RALY: variants seen among roughly 807,000 people sequenced by gnomAD.
RALY encodes the protein RNA-binding protein Raly.
In RALY, 15 loss-of-function variants were observed where a neutral mutation model predicts 30.7. That is an observed-to-expected ratio of 0.49 (90% confidence interval 0.33 to 0.75). The LOEUF is 0.75. RALY is among the 30% of genes least tolerant of loss of function. RALY has a pLI of 0.02. For synonymous variants in RALY, 177 were observed against 170.8 expected, an observed-to-expected ratio of 1.04 and a Z score of -0.28; for missense variants, 339 against 414.3, an observed-to-expected ratio of 0.82 and a Z score of 1.58.
intron 2 of RALY, chr20:34,033,310 A>G (rs2032354466): frequency 6.6e-6 from 1 of 152,252 alleles, no homozygotes; most frequent in Admixed American, 6.5e-5. Flanking sequence ...GCATGAACGA[A>G]ACAAGAAAGT....
At chr20:34,030,205 G>A (rs975822388) in intron 1 of RALY, among the ~76,000 whole-genome samples, 1 of 152,214 alleles carries the variant, frequency 6.6e-6, no homozygotes, top group Non-Finnish European at 1.5e-5. Flanking sequence ...GGCAAGCCCT[G>A]GAGTTGGACT....
rs776401623 is a variant in RALY at position 34,082,048 on chromosome 20, C to T, written c.*2143C>T. 6.6e-6 allele frequency: 1 copy of T among 152,280 alleles called. No homozygotes were observed. Among genetic ancestry groups the T allele is most frequent in the Non-Finnish European group, 1.5e-5 (1 of 68,144 alleles). The allele number at this position is 152,280 out of a possible 1,614,324, so 9.4% of individuals were successfully genotyped here. A position where few individuals can be genotyped will look rare whatever the true frequency, so the allele number is the denominator to read the frequency against. On this transcript the variant is annotated 3_prime_UTR_variant, in exon 10 of 10. Coordinates refer to ENST00000246194, the MANE Select transcript of RALY (RefSeq NM_016732.3). ...GGGCTGGGCCTTGGCCCAGCTTAGT[C>T]AAATCAAAAGGCTTCTATTTGGAGA...
At chr20:34,013,377 A>G (rs1454814444) in intron 1 of RALY, among the ~76,000 whole-genome samples, 2 of 145,348 alleles carry the variant, frequency 1.4e-5, no homozygotes, top group East Asian at 2.1e-4. Flanking sequence ...TTGTGTTACT[A>G]TACTCCAGCT....
rs754354636 is a variant in RALY, at chr20:34,083,701, G to C, written c.*3796G>C. On this transcript the variant is annotated 3_prime_UTR_variant, in exon 10 of 10. Coordinates refer to ENST00000246194, the MANE Select transcript of RALY (RefSeq NM_016732.3). ...GAGCATGGAATTCAAGTGTGGGCAC[G>C]TGAGCGTCAGGTATTTGCCATCCCT... 1 of 152,358 alleles carries C rather than the reference G, an allele frequency of 6.6e-6. No homozygotes were observed. Among genetic ancestry groups the C allele is most frequent in the South Asian group, 2.1e-4 (1 of 4,818 alleles). 9.4% of individuals were successfully genotyped at this position (152,358 alleles called of 1,614,324 possible).
At chr20:34,022,078 CT>C (rs2031847619) in intron 1 of RALY, among the ~76,000 whole-genome samples, 1 of 147,344 alleles carries the variant, frequency 6.8e-6, no homozygotes. Context: ...TTCCTTTTTT[CT>C]TTCTTTCTTT....
chr20:34,048,736 G>A (rs1424066434), intron 2 of RALY, among the ~76,000 whole-genome samples: 1 of 151,324 alleles, frequency 6.6e-6, no homozygotes, highest in Non-Finnish European at 1.5e-5. Flanking sequence ...GGCGCCTGTA[G>A]TCCCAGCTAC....
At chr20:34,021,872 TAAA>T (rs910267227) in intron 1 of RALY, among the ~76,000 whole-genome samples, 9 of 151,402 alleles carry the variant, frequency 5.9e-5, no homozygotes, top group South Asian at 2.1e-4. Context: ...TTTTTATTAT[TAAA>T]AAAATTTTTT....
chr20:33,997,508 T>G (rs2030697188), intron 1 of RALY, among the ~76,000 whole-genome samples: 1 of 152,174 alleles, frequency 6.6e-6, no homozygotes, highest in Admixed American at 6.5e-5. Context: ...GATATTGGGC[T>G]GCAGTTATCA....
intron 2 of RALY, among the ~76,000 whole-genome samples, chr20:34,039,245 A>G (rs950434171): frequency 6.6e-6 from 1 of 152,272 alleles, no homozygotes; most frequent in Admixed American, 6.5e-5. Context: ...CTGCAGGGGC[A>G]GTGACCTGCC....
rs2034075654 is a variant in RALY at position 34,084,658 on chromosome 20, T to C, written c.*4753T>C. On this transcript the variant is annotated 3_prime_UTR_variant, in exon 10 of 10. Coordinates refer to ENST00000246194, the MANE Select transcript of RALY (RefSeq NM_016732.3). ...TTCCACTTATTATCTCTTGGGACTC[T>C]AGCTCTTGGGACCCAACCACCATGC... 6.6e-6 allele frequency: 1 copy of C among 152,314 alleles called. No individual in the cohort carries two copies. Among genetic ancestry groups the C allele is most frequent in the Admixed American group, 6.5e-5 (1 of 15,284 alleles). The allele number at this position is 152,314 out of a possible 1,614,324, so 9.4% of individuals were successfully genotyped here. A position where few individuals can be genotyped will look rare whatever the true frequency, so the allele number is the denominator to read the frequency against.
In RALY at chr20:34,076,727, C is replaced by T. The variant is rs1417818796; in HGVS notation, c.570C>T (p.Ile190=). ...TAAAGAGCAGTGAGCTGCAGGCCAT[C>T]AAGACGGAGCTGACACAGATCAAGT... ...IKLKSSELQA[I]KTELTQIKSN... The change falls in exon 7 of 10, where the codon ATC becomes ATT. Residue 190 remains isoleucine, a synonymous_variant. Coordinates refer to ENST00000246194, the MANE Select transcript of RALY (RefSeq NM_016732.3). 6.2e-7 allele frequency: 1 copy of T among 1,614,100 alleles called. No homozygotes were observed. The highest frequency in any genetic ancestry group is 1.7e-5 in the Admixed American group (1 of 60,024).
At chr20:34,053,941 G>A (rs965327488) in intron 2 of RALY, among the ~76,000 whole-genome samples, 4 of 152,124 alleles carry the variant, frequency 2.6e-5, no homozygotes, top group Non-Finnish European at 5.9e-5. Context: ...ACTACAGAAA[G>A]CCCAGATTCA....
At position 34,045,382 on chromosome 20, in the gene RALY, G is replaced by A. The variant is rs73259623; in HGVS notation, c.-10+13778G>A. Among the ~76,000 whole-genome samples, 1,062 of 152,298 alleles carry A rather than the reference G, an allele frequency of 7.0e-3. 13 individuals carry two copies. Among genetic ancestry groups the A allele is most frequent in the African/African-American group, 0.024 (983 of 41,562 alleles). On this transcript the variant is annotated intron_variant, in intron 2 of 9. Transcript: ENST00000246194. ...CAGCTGAGAGAAGGGCAGGTGAAAA[G>A]GCCCTGATGCAAGAGCATGTTTGTA... is the stretch of plus-strand genomic sequence containing the variant.
chr20:34,065,041 C>T (rs555788750), intron 2 of RALY: 21 of 152,300 alleles, frequency 1.4e-4, no homozygotes, highest in Admixed American at 9.1e-4. Context: ...TTTTAAAAAA[C>T]AGGTTCCCAG....
At chr20:34,054,096 G>A (rs1303357019) in intron 2 of RALY, among the ~76,000 whole-genome samples, 1 of 152,034 alleles carries the variant, frequency 6.6e-6, no homozygotes, top group Non-Finnish European at 1.5e-5. Context: ...CTTCTATTCT[G>A]CTGATGGATG....
At chr20:34,072,929 AGTGTGTGT>A (rs3835232) in intron 3 of RALY, among the ~76,000 whole-genome samples, 66 of 149,094 alleles carry the variant, frequency 4.4e-4, no homozygotes, top group South Asian at 1.7e-3. Context: ...GTATAGATGT[AGTGTGTGT>A]GTGTGTGTGT....
At chr20:34,018,774 C>T (rs1331343487) in intron 1 of RALY, among the ~76,000 whole-genome samples, 1 of 152,190 alleles carries the variant, frequency 6.6e-6, no homozygotes, top group Non-Finnish European at 1.5e-5. Flanking sequence ...TTGCCCAGGA[C>T]CCCTAATCTC....
At position 34,031,312 on chromosome 20, in the gene RALY, C is replaced by T. The variant is rs777985564; in HGVS notation, c.-92-210C>T. 4.0e-4 allele frequency among the ~76,000 whole-genome samples: 60 copies of T among 151,366 alleles called. 1 individual carries two copies. The highest frequency in any genetic ancestry group is 2.0e-3 in the Admixed American group (31 of 15,174). On this transcript the variant is annotated intron_variant, in intron 1 of 9. Transcript: ENST00000246194. ...CTGACTTCAGGTGATCCATCCCCCT[C>T]GGCCTCCCAAAGTGCTGAGATTACA...
At chr20:34,015,232 A>G (rs1381974648) in intron 1 of RALY, 2 of 152,220 alleles carry the variant, frequency 1.3e-5, no homozygotes, top group Non-Finnish European at 2.9e-5. Flanking sequence ...TCTGTGGGCC[A>G]GCCTAAAGGA....
Sources: allele counts gnomAD v4.1 joint callset (sites outside exome capture counted in the v4.1 genomes callset), GRCh38; gene constraint gnomAD v4.1.1; transcripts MANE v1.5; gene names NCBI Gene and HGNC (gene_info 2026-07-23, HGNC 2026-07-21).